The following NRF1 variants were observed in gnomAD, a reference collection of about 807,000 sequenced individuals.
NRF1 encodes alpha palindromic-binding protein.
NRF1 carries 5 observed loss-of-function variants against 58.5 expected under a neutral mutation model. That is an observed-to-expected ratio of 0.09 (90% confidence interval 0.04 to 0.18). NRF1 has a LOEUF of 0.18. Ranked by LOEUF, NRF1 falls within the 10% of genes least tolerant of loss-of-function variation. The probability of loss-of-function intolerance (pLI) is 1.00; values close to 1 mark genes in which losing one functional copy is unlikely to be tolerated. For missense variants in NRF1, 288 were observed against 657.7 expected (o/e 0.44, Z 6.15); for synonymous variants, 224 against 246.7 (o/e 0.91, Z 0.86).
intron 5 of NRF1, among the ~76,000 whole-genome samples, chr7:129,700,749 C>T (rs998117517): frequency 6.6e-6 from 1 of 152,102 alleles, no homozygotes; most frequent in African/African-American, 2.4e-5. Context: ...AAGACCTCAT[C>T]TCTACTAAAA....
At chr7:129,736,147 A>G (rs531907706) in intron 10 of NRF1, among the ~76,000 whole-genome samples, 9 of 152,338 alleles carry the variant, frequency 5.9e-5, no homozygotes, top group South Asian at 2.1e-4. Flanking sequence ...TTAGGGAAAA[A>G]CATTCTATCT....
chr7:129,658,746 G>A (rs1374913912), intron 2 of NRF1, among the ~76,000 whole-genome samples: 1 of 152,124 alleles, frequency 6.6e-6, no homozygotes, highest in Non-Finnish European at 1.5e-5. Context: ...TTGGTATACA[G>A]TTGGCTCTCT....
chr7:129,701,452 T>C (rs1802822316), intron 5 of NRF1, among the ~76,000 whole-genome samples: 1 of 151,556 alleles, frequency 6.6e-6, no homozygotes, highest in South Asian at 2.1e-4. Flanking sequence ...ACAAAACAAT[T>C]AGCCGGCCAT....
chr7:129,620,607 T>C (rs1231621501), intron 1 of NRF1, among the ~76,000 whole-genome samples: 1 of 152,130 alleles, frequency 6.6e-6, no homozygotes, highest in Admixed American at 6.5e-5. Context: ...AGGCTGGTCT[T>C]GAATTCCTGA....
At chr7:129,690,298 C>A in intron 4 of NRF1, 108 bp from the exon 5 acceptor site, 4 of 1,039,628 alleles carry the variant, frequency 3.8e-6, no homozygotes, top group Non-Finnish European at 5.7e-6. Context: ...GTTTTTAAGG[C>A]TATGCAATGG....
intron 1 of NRF1, among the ~76,000 whole-genome samples, chr7:129,627,280 C>T (rs533253062): frequency 1.1e-4 from 16 of 152,268 alleles, no homozygotes; most frequent in South Asian, 8.3e-4. Context: ...AGCACAGTCT[C>T]GGCTCACTGC....
At chr7:129,642,222 T>TA (rs757687406) in intron 1 of NRF1, among the ~76,000 whole-genome samples, 10 of 134,256 alleles carry the variant, frequency 7.4e-5, no homozygotes, top group Non-Finnish European at 8.0e-5. Context: ...GACCTCAAGT[T>TA]ATATGCCCGC....
intron 4 of NRF1, among the ~76,000 whole-genome samples, chr7:129,688,074 GA>G (rs1208459486): frequency 6.6e-6 from 1 of 152,182 alleles, no homozygotes; most frequent in East Asian, 1.9e-4. Flanking sequence ...GTAACCTAAT[GA>G]TTTTCCATTT....
At chr7:129,723,787 G>A (rs531188983) in intron 9 of NRF1, among the ~76,000 whole-genome samples, 29 of 152,294 alleles carry the variant, frequency 1.9e-4, no homozygotes, top group African/African-American at 7.0e-4. Context: ...CTTTATGCCA[G>A]TACTATACAC....
At chr7:129,667,798 T>C (rs1384095533) in intron 2 of NRF1, among the ~76,000 whole-genome samples, 1 of 151,842 alleles carries the variant, frequency 6.6e-6, no homozygotes, top group African/African-American at 2.4e-5. Context: ...AGATAGGATC[T>C]TACTCTGTCA....
At position 129,622,734 on chromosome 7, in the gene NRF1, A is replaced by C. The variant is rs570335612; in HGVS notation, c.-7+10910A>C. Among the ~76,000 whole-genome samples the C allele has an allele frequency of 2.0e-5, 3 of 152,124 alleles. No homozygotes were observed. In the South Asian group the frequency reaches 6.2e-4, roughly 32 times the overall value. On this transcript the variant is annotated intron_variant, in intron 1 of 10. Transcript: ENST00000393232. ...ACAGGTGCCCGCCACTGTGCCCAGC[A>C]GATTTTTGCATTTTTAGTTGAGACA... is the stretch of plus-strand genomic sequence containing the variant.
intron 1 of NRF1, among the ~76,000 whole-genome samples, chr7:129,635,927 T>C (rs1801160710): frequency 6.6e-6 from 1 of 152,166 alleles, no homozygotes; most frequent in Non-Finnish European, 1.5e-5. Context: ...TTTTAATATT[T>C]TATGAGAGAG....
chr7:129,636,535 A>G (rs1323028376), intron 1 of NRF1, among the ~76,000 whole-genome samples: 1 of 152,244 alleles, frequency 6.6e-6, no homozygotes, highest in Non-Finnish European at 1.5e-5. Context: ...GGCGTCAGCC[A>G]CTGCACCTGG....
intron 1 of NRF1, among the ~76,000 whole-genome samples, chr7:129,649,919 A>G (rs992715349): frequency 7.2e-5 from 11 of 151,978 alleles, no homozygotes; most frequent in African/African-American, 2.7e-4. Flanking sequence ...ATGCCCAGCT[A>G]ATTTTTCATT....
At chr7:129,651,150 G>A (rs903981884) in intron 1 of NRF1, among the ~76,000 whole-genome samples, 11 of 151,884 alleles carry the variant, frequency 7.2e-5, no homozygotes, top group East Asian at 5.8e-4. Context: ...GGCCGGGTGC[G>A]GTGGCTCAAG....
At chr7:129,670,090 C>T (rs1429509301) in intron 2 of NRF1, among the ~76,000 whole-genome samples, 2 of 152,114 alleles carry the variant, frequency 1.3e-5, no homozygotes, top group Non-Finnish European at 2.9e-5. Context: ...ACAAACCAGT[C>T]ATAGAAAGAC....
intron 10 of NRF1, among the ~76,000 whole-genome samples, chr7:129,746,012 AT>A (rs1374338494): frequency 2.6e-5 from 4 of 152,178 alleles, no homozygotes. Flanking sequence ...TAGTCTTGAG[AT>A]GGTCCAGCAA....
intron 1 of NRF1, among the ~76,000 whole-genome samples, chr7:129,613,119 G>A (rs1000418911): frequency 6.6e-6 from 1 of 152,246 alleles, no homozygotes; most frequent in Non-Finnish European, 1.5e-5. Context: ...GTGTGAGTGA[G>A]CCTGTCAGCT....
At chr7:129,655,844 A>ATTT (rs1801642468) in intron 1 of NRF1, among the ~76,000 whole-genome samples, 1 of 152,180 alleles carries the variant, frequency 6.6e-6, no homozygotes, top group Non-Finnish European at 1.5e-5. Flanking sequence ...TTAATGGGAA[A>ATTT]GCTTCTAGTT....
Sources: gnomAD v4.1 joint callset for allele counts (sites outside exome capture counted in the v4.1 genomes callset) on GRCh38, gnomAD v4.1.1 for gene constraint, MANE v1.5 for transcripts, NCBI Gene and HGNC (gene_info 2026-07-23, HGNC 2026-07-21) for gene names.